The following ZNF185 variants were observed in gnomAD, a reference collection of about 807,000 sequenced individuals.
The protein encoded by ZNF185 is zinc finger protein 185 with LIM domain.
ZNF185 carries 56 observed loss-of-function variants against 58.6 expected under a neutral mutation model. The ratio of observed to expected loss-of-function variants is 0.95; its 90% CI spans 0.77 to 1.19. The LOEUF is 1.19. Ranked by LOEUF, ZNF185 falls within the 50% of genes most tolerant of loss-of-function variation. The probability of loss-of-function intolerance (pLI) is 0.00; values close to 1 mark genes in which losing one functional copy is unlikely to be tolerated. For missense variants in ZNF185, 627 were observed against 573.5 expected, an observed-to-expected ratio of 1.09 and a Z score of -0.95; for synonymous variants, 230 against 215.9, an observed-to-expected ratio of 1.07 and a Z score of -0.57.
exon 23 of ZNF185, chrX:152,972,810 A>G (rs1476861381): frequency 1.8e-5 from 2 of 111,353 alleles, no homozygotes; most frequent in Non-Finnish European, 3.8e-5. Flanking sequence ...GCCCAGCATC[A>G]CTCTGTAAGT....
At chrX:152,914,994 G>T in intron 2 of ZNF185, 144 bp from the exon 4 acceptor site, 1 of 992,215 alleles carries the variant, frequency 1.0e-6, no homozygotes, top group Non-Finnish European at 1.4e-6. Flanking sequence ...ATGTCACAGG[G>T]TGGGAGAGCC....
rs371485549 is a variant in ZNF185, at chrX:152,967,160, C to T, written c.1800-7C>T. 242 of 1,208,242 alleles carry T rather than the reference C, an allele frequency of 2.0e-4. No individual in the cohort carries two copies. Among genetic ancestry groups the T allele is most frequent in the Non-Finnish European group, 2.7e-4 (237 of 894,030 alleles). On this transcript the variant is annotated splice_polypyrimidine_tract_variant and splice_region_variant and intron_variant, in intron 19 of 22. Transcript: ENST00000449285. ...TGCCCTCCTCTCCCCTATCAAACTC[C>T]CTGCAGCGTCAGCAGCATTGAGGAC... is the stretch of plus-strand genomic sequence containing the variant.
chrX:152,932,683 C>G (rs1179366287), intron 13 of ZNF185, among the ~76,000 whole-genome samples, 190 bp from the exon 15 acceptor site: 1 of 112,115 alleles, frequency 8.9e-6, no homozygotes. Flanking sequence ...ACCAACCCAT[C>G]AGGTTTGGAA....
At chrX:152,919,002 C>T (rs782674455) in exon 7 of ZNF185, 13 of 1,209,503 alleles carry the variant, frequency 1.1e-5, no homozygotes, top group Non-Finnish European at 1.3e-5. Flanking sequence ...CAATATCAGG[C>T]GCAGCTCTAC....
At chrX:152,970,051 G>A (rs1279407955) in intron 21 of ZNF185, among the ~76,000 whole-genome samples, 1 of 111,074 alleles carries the variant, frequency 9.0e-6, no homozygotes, top group Non-Finnish European at 1.9e-5. Flanking sequence ...CTCCCCACAG[G>A]GCCTGAACTT....
At chrX:152,931,822 C>G in intron 13 of ZNF185, 46 bp downstream of exon 14, 1 of 1,053,869 alleles carries the variant, frequency 9.5e-7, no homozygotes, top group Non-Finnish European at 1.3e-6. Flanking sequence ...GAACACGGAG[C>G]CCACATACAC....
At chrX:152,942,037 A>G (rs182025960) in intron 15 of ZNF185, among the ~76,000 whole-genome samples, 127 of 112,059 alleles carry the variant, frequency 1.1e-3, no homozygotes, top group African/African-American at 4.1e-3. Context: ...ACGTGCAGAC[A>G]GGGAAGGCAG....
chrX:152,940,891 A>T (rs1296118342), intron 15 of ZNF185, among the ~76,000 whole-genome samples: 2 of 112,264 alleles, frequency 1.8e-5, no homozygotes, highest in African/African-American at 6.5e-5. Flanking sequence ...TGTCAGTCTG[A>T]ATATCTCTCT....
chrX:152,941,504 C>A (rs1556889351), intron 15 of ZNF185, among the ~76,000 whole-genome samples: 1 of 113,101 alleles, frequency 8.8e-6, no homozygotes, highest in Non-Finnish European at 1.9e-5. Context: ...ACACCCCTCA[C>A]CTTCCCCGAA....
chrX:152,924,795 C>G (rs1222302970), intron 11 of ZNF185, among the ~76,000 whole-genome samples: 1 of 112,162 alleles, frequency 8.9e-6, no homozygotes, highest in East Asian at 2.8e-4. Context: ...AGCGATTCTT[C>G]TGCCTCAGCC....
intron 14 of ZNF185, among the ~76,000 whole-genome samples, chrX:152,936,882 A>G: frequency 9.1e-6 from 1 of 110,258 alleles, no homozygotes. Context: ...CAGGGAGAAG[A>G]TTCCCAGGGG....
At chrX:152,947,562 G>A (rs1284062165) in intron 16 of ZNF185, among the ~76,000 whole-genome samples, 1 of 111,709 alleles carries the variant, frequency 9.0e-6, no homozygotes, top group East Asian at 2.8e-4. Flanking sequence ...GGGCCATGCC[G>A]AATGAGAAGT....
At chrX:152,900,772 C>T in the ZNF185 span, among the ~76,000 whole-genome samples, 2 of 112,285 alleles carry the variant, frequency 1.8e-5, no homozygotes, top group Non-Finnish European at 3.8e-5. Flanking sequence ...GAGGGTGGCA[C>T]CTTCATAGCC....
chrX:152,918,136 C>T, exon 6 of ZNF185: 1 of 1,194,362 alleles, frequency 8.4e-7, no homozygotes, highest in Non-Finnish European at 1.1e-6. Flanking sequence ...AAGATGACCA[C>T]TGAGGATTAC....
At chrX:152,938,852 AG>A (rs1569506172) in intron 15 of ZNF185, among the ~76,000 whole-genome samples, 4 of 109,497 alleles carry the variant, frequency 3.7e-5, no homozygotes, top group African/African-American at 1.3e-4. Context: ...GAGTGATGGC[AG>A]TGAGGAGGGT....
upstream of ZNF185, among the ~76,000 whole-genome samples, chrX:152,911,462 A>G (rs1937173346): frequency 9.0e-6 from 1 of 111,092 alleles, no homozygotes; most frequent in Non-Finnish European, 1.9e-5. Context: ...GAGACCAATG[A>G]GTGTTGCCTG....
chrX:152,971,092 C>A (rs1232313919), intron 22 of ZNF185, among the ~76,000 whole-genome samples, 182 bp from the exon 25 acceptor site: 1 of 111,888 alleles, frequency 8.9e-6, no homozygotes, highest in Non-Finnish European at 1.9e-5. Flanking sequence ...GAGCACAGAG[C>A]AGAATATATC....
chrX:152,938,213 T>C, intron 15 of ZNF185, 50 bp downstream of exon 17: 1 of 1,115,507 alleles, frequency 9.0e-7, no homozygotes, highest in South Asian at 2.0e-5. Flanking sequence ...GAGAGGCAGC[T>C]TGGGCTGTGT....
the ZNF185 span, among the ~76,000 whole-genome samples, chrX:152,904,582 C>T: frequency 1.8e-5 from 2 of 112,626 alleles, no homozygotes; most frequent in East Asian, 2.8e-4. Context: ...GCACCCGCAC[C>T]GGCTTAAATC....
Sources: allele counts gnomAD v4.1 joint callset (sites outside exome capture counted in the v4.1 genomes callset), GRCh38; gene constraint gnomAD v4.1.1; transcripts MANE v1.5; gene names NCBI Gene and HGNC (gene_info 2026-07-23, HGNC 2026-07-21).